The following WWP2 variants were observed in gnomAD, a reference collection of about 807,000 sequenced individuals.
WWP2 encodes the protein NEDD4-like E3 ubiquitin-protein ligase WWP2.
WWP2 carries 57 observed loss-of-function variants against 121.0 expected under a neutral mutation model. That is an observed-to-expected ratio of 0.47 (90% CI 0.38 to 0.59). WWP2 has a LOEUF of 0.59. WWP2 is among the 20% of genes least tolerant of loss of function. The pLI, the probability that WWP2 is intolerant of heterozygous loss-of-function variation, is 0.00. For missense variants in WWP2, 962 were observed against 1,158.9 expected, an observed-to-expected ratio of 0.83 and a Z score of 2.47; for synonymous variants, 449 against 441.3, an observed-to-expected ratio of 1.02 and a Z score of -0.22.
At position 69,838,987 on chromosome 16, in the gene WWP2, G is replaced by C. The variant is rs59105082; in HGVS notation, c.341-1139G>C. The C allele has an allele frequency of 3.6e-3, 859 of 241,368 alleles. 8 individuals are homozygous for C. Among genetic ancestry groups the C allele is most frequent in the African/African-American group, 0.021 (813 of 38,872 alleles). The allele number at this position is 241,368 out of a possible 1,614,324, so 15.0% of individuals were successfully genotyped here. A position where few individuals can be genotyped will look rare whatever the true frequency, so the allele number is the denominator to read the frequency against. Reference sequence around the variant, plus strand: ...TGTATCTGTAGAGGGATTTAGAGCAGTCTTTTTTGGGGGGGTGGGGGAAGG... The same window carrying C: ...TGTATCTGTAGAGGGATTTAGAGCACTCTTTTTTGGGGGGGTGGGGGAAGG... On this transcript the variant is annotated intron_variant, in intron 4 of 23. Transcript: ENST00000359154.
chr16:69,923,645 A>G (rs547530136), intron 10 of WWP2, among the ~76,000 whole-genome samples: 1 of 152,348 alleles, frequency 6.6e-6, no homozygotes, highest in South Asian at 2.1e-4. Flanking sequence ...ACTCCAAAAC[A>G]AGACCTGAAG....
intron 23 of WWP2, among the ~76,000 whole-genome samples, 164 bp from the exon 24 acceptor site, chr16:69,939,677 A>G (rs1030140424): frequency 6.6e-6 from 1 of 151,116 alleles, no homozygotes; most frequent in Non-Finnish European, 1.5e-5. Context: ...CCCTCCCTTA[A>G]CACCCCATGG....
In WWP2 at chr16:69,936,300, C is replaced by T; in HGVS notation, c.1977-12C>T. 6.2e-7 allele frequency: 1 copy of T among 1,614,090 alleles called. No individual in the cohort carries two copies. Among genetic ancestry groups the T allele is most frequent in the Non-Finnish European group, 8.5e-7 (1 of 1,180,008 alleles). ...GGTAGACATCTCCCCACTTGGTCTC[C>T]TGTGCCCCCAGAGAGAACAACCTGG... On this transcript the variant is annotated splice_polypyrimidine_tract_variant and intron_variant, in intron 18 of 23. Coordinates refer to ENST00000359154, the MANE Select transcript of WWP2 (RefSeq NM_001270454.2).
At position 69,925,298 on chromosome 16, in the gene WWP2, C is replaced by A; in HGVS notation, c.1180-132C>A. 1 of 1,492,962 alleles carries A rather than the reference C, an allele frequency of 6.7e-7. No homozygotes were observed. Among genetic ancestry groups the A allele is most frequent in the South Asian group, 1.4e-5 (1 of 70,332 alleles). The allele number at this position is 1,492,962 out of a possible 1,614,324, so 92.5% of individuals were successfully genotyped here. A position where few individuals can be genotyped will look rare whatever the true frequency, so the allele number is the denominator to read the frequency against. ...GAGAGGAGCAGATGCCACCTAAAGT[C>A]CCACTGCATTCCCTGCAAAGCGCTC... is the stretch of plus-strand genomic sequence containing the variant. On this transcript the variant is annotated intron_variant, in intron 10 of 23. Transcript: ENST00000359154. The surrounding 1 kb of genome is among the most constrained non-coding windows in gnomAD (Gnocchi z 4.0).
In WWP2 at chr16:69,939,961, C is replaced by T. The variant is rs1252541776; in HGVS notation, c.*21C>T. On this transcript the variant is annotated 3_prime_UTR_variant, in exon 24 of 24. Coordinates refer to ENST00000359154, the MANE Select transcript of WWP2 (RefSeq NM_001270454.2). The stretch of plus-strand genomic sequence containing the variant: ...AGTAACCGAGGCCGCCCCTCCCACG[C>T]CCCCCAGCGCACATGTAGTCCTGAG... 7 of 1,593,512 alleles carry T rather than the reference C, an allele frequency of 4.4e-6. No homozygotes were observed. Among genetic ancestry groups the T allele is most frequent in the Middle Eastern group, 1.7e-4 (1 of 6,030 alleles).
At chr16:69,912,609 G>A (rs925116712) in intron 9 of WWP2, among the ~76,000 whole-genome samples, 1 of 152,020 alleles carries the variant, frequency 6.6e-6, no homozygotes, top group Non-Finnish European at 1.5e-5. Flanking sequence ...GAAAGTGATA[G>A]TCTAAGAGAA....
chr16:69,897,293 G>A (rs1327465865), intron 8 of WWP2, among the ~76,000 whole-genome samples: 1 of 152,002 alleles, frequency 6.6e-6, no homozygotes, highest in African/African-American at 2.4e-5. Flanking sequence ...TGTAGAGATG[G>A]GGTTTTGCCG....
At chr16:69,892,520 C>G (rs2058045172) in intron 8 of WWP2, among the ~76,000 whole-genome samples, 1 of 152,132 alleles carries the variant, frequency 6.6e-6, no homozygotes, top group Non-Finnish European at 1.5e-5. Flanking sequence ...TGTTCTTACC[C>G]TTTCCCAATC....
At chr16:69,782,666 C>A (rs1335277498) in intron 1 of WWP2, among the ~76,000 whole-genome samples, 1 of 152,144 alleles carries the variant, frequency 6.6e-6, no homozygotes, top group Non-Finnish European at 1.5e-5. Flanking sequence ...TTATTACAGA[C>A]TAGTCTAGAA....
chr16:69,923,374 T>A (rs944003094), intron 10 of WWP2, among the ~76,000 whole-genome samples: 4 of 151,830 alleles, frequency 2.6e-5, no homozygotes, highest in African/African-American at 7.3e-5. Flanking sequence ...GGAAATTTTT[T>A]AAAAACCCTT....
At chr16:69,815,262 C>G (rs1186002227) in intron 4 of WWP2, among the ~76,000 whole-genome samples, 1 of 152,106 alleles carries the variant, frequency 6.6e-6, no homozygotes, top group Non-Finnish European at 1.5e-5. Flanking sequence ...CTTGGCCTCC[C>G]AAAGTGCTGG....
Position 69,936,367 on chromosome 16 carries a change from A to G in WWP2, c.2032A>G (p.Ile678Val). Residue 678 changes from isoleucine (I) to valine (V), a missense_variant, in exon 19 of 24, where the codon ATA (isoleucine) becomes GTA (valine). Ile to Val is a conservative substitution (Grantham distance 29). This residue lies in a region of WWP2 where 606 missense variants were observed against 772.6 expected (regional missense o/e 0.78). Transcript: ENST00000359154. ...LELYFIQDME[I>V]LGKVTTHELK... is the part of the protein sequence containing the mutation. ...GCTGTACTTCATCCAGGACATGGAG[A>G]TACTGGGCAAGGTGACGACCCACGA... is the stretch of plus-strand genomic sequence containing the variant. 1.2e-6 allele frequency: 2 copies of G among 1,614,074 alleles called. No individual in the cohort carries two copies. The highest frequency in any genetic ancestry group is 2.7e-5 in the African/African-American group (2 of 75,014).
intron 4 of WWP2, among the ~76,000 whole-genome samples, chr16:69,814,847 T>C (rs1482394615): frequency 6.6e-6 from 1 of 152,072 alleles, no homozygotes; most frequent in Non-Finnish European, 1.5e-5. Context: ...CACAGCACTG[T>C]TTTTCCAGTT....
chr16:69,937,436 G>A lies in WWP2; in HGVS notation c.2239-112G>A, dbSNP rs1351921572. 1.6e-5 allele frequency: 22 copies of A among 1,372,658 alleles called. No individual in the cohort carries two copies. The highest frequency in any genetic ancestry group is 2.1e-5 in the Non-Finnish European group (21 of 988,596). The allele number at this position is 1,372,658 out of a possible 1,614,324, so 85.0% of individuals were successfully genotyped here. A position where few individuals can be genotyped will look rare whatever the true frequency, so the allele number is the denominator to read the frequency against. ...GACTTACATTACCCATATTATTAACGCTGACACCAAAAATAGCTAGTTGAA... is the reference window on the plus strand; with the variant it reads ...GACTTACATTACCCATATTATTAACACTGACACCAAAAATAGCTAGTTGAA... On this transcript the variant is annotated intron_variant, in intron 20 of 23. Transcript: ENST00000359154. This position sits in a 1 kb window ranked among gnomAD's most constrained non-coding sequence, Gnocchi z 6.6.
In WWP2 at chr16:69,878,792, A is replaced by G. The variant is rs1398052950; in HGVS notation, c.703+6861A>G. 2.0e-5 allele frequency among the ~76,000 whole-genome samples: 3 copies of G among 152,356 alleles called. No individual in the cohort carries two copies. The East Asian group carries it at 5.8e-4, about 29-fold the overall frequency. On this transcript the variant is annotated intron_variant, in intron 7 of 23. Coordinates refer to ENST00000359154, the MANE Select transcript of WWP2 (RefSeq NM_001270454.2). ...TAATTCTTGTGTATTTCCCTGTTAC[A>G]AAATTCTGCTGTAAATACCTGTATA...
intron 4 of WWP2, among the ~76,000 whole-genome samples, chr16:69,824,518 C>A (rs1482778788): frequency 6.9e-6 from 1 of 144,760 alleles, no homozygotes; most frequent in Non-Finnish European, 1.5e-5. Context: ...CTTCCCCCCT[C>A]CCCCTCCCTC....
chr16:69,845,915 T>C (rs3827939), intron 6 of WWP2, among the ~76,000 whole-genome samples: 58,527 of 150,778 alleles, frequency 0.39, 11,499 homozygotes, highest in Admixed American at 0.49. Context: ...CCAGGCATGG[T>C]GGTGTGTGCC....
intron 1 of WWP2, among the ~76,000 whole-genome samples, chr16:69,784,394 C>T (rs2055738229): frequency 6.6e-6 from 1 of 152,110 alleles, no homozygotes; most frequent in Non-Finnish European, 1.5e-5. Context: ...GCCACTGTGC[C>T]TGGCCGAAAT....
Position 69,925,071 on chromosome 16 carries a change from C to G in WWP2, c.1180-359C>G. ...TTGGCCGCCTTGAGCCGGAGCTGAGCGGAGGCACTGGGCCGAGCCTGCTTC... is the reference window on the plus strand; with the variant it reads ...TTGGCCGCCTTGAGCCGGAGCTGAGGGGAGGCACTGGGCCGAGCCTGCTTC... On this transcript the variant is annotated intron_variant, in intron 10 of 23. Coordinates refer to ENST00000359154, the MANE Select transcript of WWP2 (RefSeq NM_001270454.2). This position sits in a 1 kb window ranked among gnomAD's most constrained non-coding sequence, Gnocchi z 4.0. 3 of 1,035,440 alleles carry G rather than the reference C, an allele frequency of 2.9e-6. No homozygotes were observed. Among genetic ancestry groups the G allele is most frequent in the Non-Finnish European group, 3.5e-6 (3 of 862,720 alleles). 64.1% of individuals were successfully genotyped at this position (1,035,440 alleles called of 1,614,324 possible).
Sources: allele counts gnomAD v4.1 joint callset (sites outside exome capture counted in the v4.1 genomes callset), GRCh38; gene constraint gnomAD v4.1.1; regional missense constraint gnomAD v4.1.1; non-coding constraint Gnocchi (gnomAD v3.1); transcripts MANE v1.5; gene names NCBI Gene and HGNC (gene_info 2026-07-23, HGNC 2026-07-21).